The following VPS54 variants were observed in gnomAD, a reference collection of about 807,000 sequenced individuals.
The protein encoded by VPS54 is vacuolar protein sorting-associated protein 54.
Under a neutral mutation model 121.5 loss-of-function variants are expected in VPS54, and 45 were observed. The ratio of observed to expected loss-of-function variants is 0.37; its 90% CI spans 0.29 to 0.47. The LOEUF is 0.47. Ranked by LOEUF, VPS54 falls within the 20% of genes least tolerant of loss-of-function variation. The probability of loss-of-function intolerance (pLI) is 0.99; values close to 1 mark genes in which losing one functional copy is unlikely to be tolerated. For missense variants in VPS54, 1,090 were observed against 1,131.4 expected (o/e 0.96, Z 0.52); for synonymous variants, 371 against 385.8 (o/e 0.96, Z 0.45).
intron 20 of VPS54, among the ~76,000 whole-genome samples, chr2:63,904,378 G>A (rs961454076): frequency 7.4e-6 from 1 of 135,042 alleles, no homozygotes; most frequent in African/African-American, 2.8e-5. Context: ...GGCATAGGTT[G>A]CAGTGAGCCA....
At chr2:63,935,504 T>C (rs1674413219) in intron 11 of VPS54, among the ~76,000 whole-genome samples, 1 of 152,186 alleles carries the variant, frequency 6.6e-6, no homozygotes, top group Non-Finnish European at 1.5e-5. Flanking sequence ...GTCTTTTTCC[T>C]TATCTCTTCT....
intron 3 of VPS54, among the ~76,000 whole-genome samples, chr2:63,974,689 T>C (rs1253772486): frequency 1.3e-5 from 2 of 152,192 alleles, no homozygotes; most frequent in African/African-American, 2.4e-5. Flanking sequence ...TTTTCTTTGA[T>C]GCTAATGTAA....
chr2:63,936,524 C>A (rs925430874), intron 11 of VPS54, among the ~76,000 whole-genome samples: 1 of 152,016 alleles, frequency 6.6e-6, no homozygotes. Context: ...ATAATGACAA[C>A]TGATATTGTC....
In VPS54 at chr2:63,965,847, C is replaced by A; in HGVS notation, c.612G>T (p.Leu204Phe). The A allele has an allele frequency of 6.2e-7, 1 of 1,611,270 alleles. No homozygotes were observed. The highest frequency in any genetic ancestry group is 8.5e-7 in the Non-Finnish European group (1 of 1,179,332). ...KGNRDAASSKLLQEKLSHYLD... is the reference protein window; with the variant it reads ...KGNRDAASSKFLQEKLSHYLD... ...AAAAAGAAATTACCTTTTCTTGAAGCAACTTTGAGGAAGCTGCATCACGAT... is the reference window on the plus strand; with the variant it reads ...AAAAAGAAATTACCTTTTCTTGAAGAAACTTTGAGGAAGCTGCATCACGAT... Residue 204 changes from leucine (L) to phenylalanine (F), a missense_variant, in exon 6 of 23, where the codon TTG becomes TTT. By Grantham distance (22) the Leu-to-Phe change is conservative (BLOSUM62 0). This residue lies in a region of VPS54 where 801 missense variants were observed against 757.0 expected (regional missense o/e 1.06). Transcript: ENST00000272322.
chr2:63,903,084 G>T (rs1233162366), intron 20 of VPS54, among the ~76,000 whole-genome samples: 2 of 152,094 alleles, frequency 1.3e-5, no homozygotes, highest in East Asian at 3.9e-4. Context: ...GAGAGAAATT[G>T]AAACTATAAA....
intron 20 of VPS54, among the ~76,000 whole-genome samples, chr2:63,905,751 A>ATAT (rs1672880262): frequency 6.6e-6 from 1 of 152,114 alleles, no homozygotes; most frequent in African/African-American, 2.4e-5. Flanking sequence ...CCTATAGACC[A>ATAT]ATATCCTTCA....
intron 1 of VPS54, among the ~76,000 whole-genome samples, chr2:63,994,777 C>T (rs1382084111): frequency 1.3e-5 from 2 of 152,122 alleles, no homozygotes; most frequent in African/African-American, 2.4e-5. Context: ...TTTGAGGGCC[C>T]ATCTAAAACC....
intron 1 of VPS54, among the ~76,000 whole-genome samples, chr2:64,000,341 G>A (rs80134330): frequency 1.3e-3 from 194 of 152,230 alleles, no homozygotes; most frequent in African/African-American, 4.6e-3. Flanking sequence ...CAGCTGTTTT[G>A]ATTTCTGTTT....
intron 5 of VPS54, 84 bp from the exon 6 acceptor site, chr2:63,966,050 A>G (rs1298295687): frequency 1.3e-5 from 17 of 1,357,264 alleles, no homozygotes; most frequent in Non-Finnish European, 1.7e-5. Flanking sequence ...TCATTAAACA[A>G]AATTAACGTG....
intron 20 of VPS54, 54 bp from the exon 21 acceptor site, chr2:63,899,635 T>C: frequency 7.1e-7 from 1 of 1,400,374 alleles, no homozygotes; most frequent in South Asian, 1.2e-5. Flanking sequence ...TTGCATAATG[T>C]CTCCACCATT....
intron 1 of VPS54, among the ~76,000 whole-genome samples, chr2:63,992,617 A>G (rs529297979): frequency 5.3e-5 from 8 of 152,338 alleles, no homozygotes; most frequent in Admixed American, 2.6e-4. Context: ...TAGTTTCTGA[A>G]CAGTTACAAC....
chr2:63,897,695 G>A, intron 21 of VPS54, 105 bp from the exon 22 acceptor site: 1 of 642,586 alleles, frequency 1.6e-6, no homozygotes, highest in East Asian at 3.1e-5. Flanking sequence ...CAAAACCTTT[G>A]CTTTGACATA....
chr2:63,959,956 G>A (rs1409392793), intron 7 of VPS54, among the ~76,000 whole-genome samples: 1 of 151,884 alleles, frequency 6.6e-6, no homozygotes, highest in Non-Finnish European at 1.5e-5. Context: ...GGAGGAGGAG[G>A]TTGCAGTGAA....
In VPS54 at chr2:63,962,109, G is replaced by A; in HGVS notation, c.959C>T (p.Ala320Val). 3.7e-6 allele frequency: 6 copies of A among 1,600,006 alleles called. No homozygotes were observed. The highest frequency in any genetic ancestry group is 4.3e-6 in the Non-Finnish European group (5 of 1,168,194). Residue 320 changes from alanine to valine, a missense_variant, in exon 7 of 23, where the codon GCA becomes GTA. Around this residue, in one of 2 missense-constraint regions of VPS54, gnomAD observed 801 missense variants for 757.0 expected, o/e 1.06. Coordinates refer to ENST00000272322, the MANE Select transcript of VPS54 (RefSeq NM_016516.3). ...CTGCTGTAGAACCTCTTGTGTTGTT[G>A]CTATTAAGTCCAATGCTCCAACAAA... The part of the protein sequence containing the change: ...SEFVGALDLI[A>V]TTQEVLQQEL...
chr2:64,005,683 T>A (rs1678111626), intron 1 of VPS54, among the ~76,000 whole-genome samples: 1 of 152,212 alleles, frequency 6.6e-6, no homozygotes, highest in African/African-American at 2.4e-5. Context: ...TATCAGGGAC[T>A]ATCTTGTACC....
chr2:63,966,963 T>G (rs895267200), intron 5 of VPS54, among the ~76,000 whole-genome samples: 2 of 152,240 alleles, frequency 1.3e-5, no homozygotes, highest in Admixed American at 6.5e-5. Context: ...TCGTTGTGCA[T>G]GACATAATGA....
At chr2:63,967,243 C>T (rs1268479985) in intron 5 of VPS54, among the ~76,000 whole-genome samples, 6 of 152,024 alleles carry the variant, frequency 3.9e-5, no homozygotes, top group African/African-American at 1.4e-4. Flanking sequence ...GGAAAAAAAT[C>T]TAACTAGAGA....
At chr2:63,918,689 C>T (rs1186141299) in intron 15 of VPS54, among the ~76,000 whole-genome samples, 3 of 152,020 alleles carry the variant, frequency 2.0e-5, no homozygotes, top group African/African-American at 4.8e-5. Context: ...CCCCTTGTCA[C>T]AGGGGCAGAA....
chr2:63,899,555 A>G lies in VPS54; in HGVS notation c.2652T>C (p.Ser884=). 4.3e-6 allele frequency: 7 copies of G among 1,613,780 alleles called. No homozygotes were observed. Among genetic ancestry groups the G allele is most frequent in the Non-Finnish European group, 5.9e-6 (7 of 1,179,948 alleles). The change falls in exon 21 of 23, where the codon TCT becomes TCC. Residue 884 remains serine (S), a synonymous_variant. Coordinates refer to ENST00000272322, the MANE Select transcript of VPS54 (RefSeq NM_016516.3). The part of the protein sequence containing the change: ...SKYEVKAPVP[S]ACFRNICKQM... The stretch of plus-strand genomic sequence containing the variant: ...GCTTACAAATATTCCTGAAACAGGC[A>G]GAAGGAACAGGAGCCTTCACTTCAT...
Sources: gnomAD v4.1 joint callset for allele counts (sites outside exome capture counted in the v4.1 genomes callset) on GRCh38, gnomAD v4.1.1 for gene constraint, gnomAD v4.1.1 regional missense constraint, MANE v1.5 for transcripts, NCBI Gene and HGNC (gene_info 2026-07-23, HGNC 2026-07-21) for gene names.